The following LARS1 variants were observed in gnomAD, a reference collection of about 807,000 sequenced individuals.
LARS1 encodes leucine--tRNA ligase, cytoplasmic.
LARS1 carries 100 observed loss-of-function variants against 162.8 expected under a neutral mutation model. The ratio of observed to expected loss-of-function variants is 0.61; its 90% CI spans 0.52 to 0.73. The LOEUF (loss-of-function observed/expected upper bound fraction) is 0.73, where lower values mean the gene tolerates loss of function less well. LARS1 is among the 30% of genes least tolerant of loss of function. The pLI, the probability that LARS1 is intolerant of heterozygous loss-of-function variation, is 0.00. For synonymous variants in LARS1, 457 were observed against 462.8 expected (o/e 0.99, Z 0.16); for missense variants, 1,258 against 1,408.9 (o/e 0.89, Z 1.71).
Position 146,133,081 on chromosome 5 carries a change from C to T in LARS1, c.2213G>A (p.Gly738Glu). Reference protein sequence around the residue: ...TQAIDKFSADGMRLALADAGD... With the variant: ...TQAIDKFSADEMRLALADAGD... ...AGCATCAGCCAGAGCCAAACGCATT[C>T]CTGGAAGAAGAAAAAAAAATTCAAT... Residue 738 changes from glycine (G) to glutamate (E), a missense_variant and splice_region_variant, in exon 23 of 32, where the codon GGA (glycine) becomes GAA (glutamate). By Grantham distance (98) the Gly-to-Glu change is moderately conservative (BLOSUM62 -2). Coordinates refer to ENST00000394434, the MANE Select transcript of LARS1 (RefSeq NM_020117.11). 1 of 1,609,106 alleles carries T rather than the reference C, an allele frequency of 6.2e-7. No individual in the cohort carries two copies. Among genetic ancestry groups the T allele is most frequent in the Non-Finnish European group, 8.5e-7 (1 of 1,178,242 alleles).
intron 15 of LARS1, 27 bp from the exon 16 acceptor site, chr5:146,144,736 T>C (rs1482418478): frequency 6.4e-7 from 1 of 1,556,248 alleles, no homozygotes; most frequent in African/African-American, 1.4e-5. Flanking sequence ...AAACATACAT[T>C]AGATACTATG....
At chr5:146,162,182 A>G (rs2126549379) in intron 6 of LARS1, among the ~76,000 whole-genome samples, 1 of 152,334 alleles carries the variant, frequency 6.6e-6, no homozygotes. Context: ...TCCTTTCCAG[A>G]AGGTTTTCTA....
intron 21 of LARS1, among the ~76,000 whole-genome samples, chr5:146,137,228 A>G (rs1346359133): frequency 6.6e-6 from 1 of 152,242 alleles, no homozygotes; most frequent in Non-Finnish European, 1.5e-5. Context: ...TGACATATAG[A>G]CACTTATGAC....
At chr5:146,181,746 T>C (rs1333322623) in intron 1 of LARS1, among the ~76,000 whole-genome samples, 1 of 149,990 alleles carries the variant, frequency 6.7e-6, no homozygotes, top group Non-Finnish European at 1.5e-5. Context: ...ACAGCATTTA[T>C]CAGCACCTGA....
chr5:146,151,101 T>C (rs73793852), intron 14 of LARS1, among the ~76,000 whole-genome samples: 4,422 of 152,260 alleles, frequency 0.029, 222 homozygotes, highest in African/African-American at 0.1. Flanking sequence ...TCCTCATCCG[T>C]AAATTGGAGA....
chr5:146,149,558 T>TA, intron 15 of LARS1, 64 bp downstream of exon 15: 1 of 1,151,640 alleles, frequency 8.7e-7, no homozygotes, highest in Non-Finnish European at 1.3e-6. Context: ...TCACTGCTAA[T>TA]AACACTGTCA....
intron 22 of LARS1, 73 bp downstream of exon 22, chr5:146,135,528 C>A (rs1435237691): frequency 8.1e-6 from 9 of 1,114,840 alleles, no homozygotes; most frequent in East Asian, 2.6e-5. Context: ...AATTAAAACA[C>A]CAATTTTAAC....
chr5:146,160,295 CA>C, intron 7 of LARS1, 78 bp downstream of exon 7: 1 of 740,752 alleles, frequency 1.3e-6, no homozygotes, highest in African/African-American at 1.8e-5. Flanking sequence ...CTCAGTTTCC[CA>C]AAGCACTGGG....
At chr5:146,163,184 C>T (rs1411680032) in intron 6 of LARS1, among the ~76,000 whole-genome samples, 2 of 152,196 alleles carry the variant, frequency 1.3e-5, no homozygotes, top group Non-Finnish European at 2.9e-5. Flanking sequence ...TAGCCTCCAA[C>T]TTCTCTTCTG....
chr5:146,173,567 G>A (rs1336104957), intron 2 of LARS1, among the ~76,000 whole-genome samples: 1 of 138,356 alleles, frequency 7.2e-6, no homozygotes, highest in African/African-American at 2.7e-5. Context: ...TTTTTTAGTT[G>A]TTTTTGTAAA....
In LARS1 at chr5:146,153,272, T is replaced by C. The variant is rs1326766108; in HGVS notation, c.1231-45A>G. The C allele has an allele frequency of 4.5e-6, 6 of 1,321,338 alleles. No homozygotes were observed. The Admixed American group carries it at 5.3e-5, about 12-fold the overall frequency. 81.9% of individuals were successfully genotyped at this position (1,321,338 alleles called of 1,614,324 possible). ...TTAACACTAATGATCAACACTTTAC[T>C]GGGAGAATCATTGAGAGAAGCAATC... On this transcript the variant is annotated intron_variant, in intron 12 of 31. Coordinates refer to ENST00000394434, the MANE Select transcript of LARS1 (RefSeq NM_020117.11).
intron 15 of LARS1, among the ~76,000 whole-genome samples, chr5:146,145,721 T>G (rs1752979668): frequency 6.6e-6 from 1 of 152,234 alleles, no homozygotes; most frequent in Non-Finnish European, 1.5e-5. Context: ...GCTCTGTTTT[T>G]AATGCAATTC....
intron 31 of LARS1, among the ~76,000 whole-genome samples, chr5:146,119,685 T>A (rs1751732725): frequency 6.6e-6 from 1 of 152,128 alleles, no homozygotes; most frequent in African/African-American, 2.4e-5. Flanking sequence ...TTACATTGAA[T>A]CTAATCACAA....
At chr5:146,131,867 G>A (rs368590140) in intron 23 of LARS1, 2 of 152,088 alleles carry the variant, frequency 1.3e-5, no homozygotes, top group East Asian at 3.8e-4. Flanking sequence ...ACCAATCCAG[G>A]TTCTTCTTAA....
Position 146,114,309 on chromosome 5 carries a change from G to C in LARS1, c.3328C>G (p.Leu1110Val). Residue 1110 changes from leucine (L) to valine (V), a missense_variant and splice_region_variant, in exon 32 of 32, where the codon CTT becomes GTT. Leu to Val is a conservative substitution (Grantham distance 32). Coordinates refer to ENST00000394434, the MANE Select transcript of LARS1 (RefSeq NM_020117.11). ...LMKMNRGIKD[L>V]SKVKLMRFDD... ...AATCTCATCAGTTTCACTTTGGAAA[G>C]GTCTACAACAAAATAAATTATCAAT... 6.2e-7 allele frequency: 1 copy of C among 1,612,274 alleles called. No individual in the cohort carries two copies. The highest frequency in any genetic ancestry group is 8.5e-7 in the Non-Finnish European group (1 of 1,178,834).
intron 14 of LARS1, among the ~76,000 whole-genome samples, chr5:146,150,548 GCC>G (rs1352643955): frequency 7.0e-6 from 1 of 142,158 alleles, no homozygotes; most frequent in East Asian, 2.1e-4. Flanking sequence ...AACTGCTTGA[GCC>G]CAGGAAGCAG....
In LARS1 at chr5:146,153,996, AT is replaced by A; in HGVS notation, c.1066-17del. 1 of 1,553,546 alleles carries A rather than the reference AT, an allele frequency of 6.4e-7. No homozygotes were observed. The highest frequency in any genetic ancestry group is 2.2e-5 in the East Asian group (1 of 44,530). On this transcript the variant is annotated splice_polypyrimidine_tract_variant and intron_variant, in intron 10 of 31. Transcript: ENST00000394434. Reference sequence around the variant, plus strand: ...CAAGAATTTCCTGCATAAGAAAAAAATCAATATAAAAGGTGAAGTAATTCAT... The same window carrying A: ...CAAGAATTTCCTGCATAAGAAAAAAACAATATAAAAGGTGAAGTAATTCAT...
chr5:146,161,692 G>T (rs1447467543), intron 6 of LARS1, among the ~76,000 whole-genome samples: 1 of 151,620 alleles, frequency 6.6e-6, no homozygotes, highest in Non-Finnish European at 1.5e-5. Flanking sequence ...GGCGGAGGTT[G>T]CAGTGAGTCG....
In LARS1 at chr5:146,151,971, T is replaced by C. The variant is rs559153062; in HGVS notation, c.1316A>G (p.Asn439Ser). The C allele has an allele frequency of 6.2e-7, 1 of 1,614,108 alleles. No homozygotes were observed. Among genetic ancestry groups the C allele is most frequent in the Non-Finnish European group, 8.5e-7 (1 of 1,180,034 alleles). Reference sequence around the variant, plus strand: ...ATCACAAATGGTTACAGCAGAAAGATTTCCAAAACCTGGGATTTCAATGAC... The same window carrying C: ...ATCACAAATGGTTACAGCAGAAAGACTTCCAAAACCTGGGATTTCAATGAC... ...VPVIEIPGFG[N>S]LSAVTICDEL... Residue 439 changes from asparagine to serine, a missense_variant, in exon 14 of 32, where the codon AAT (asparagine) becomes AGT (serine). By Grantham distance (46) the Asn-to-Ser change is conservative. Transcript: ENST00000394434.
Sources: allele counts gnomAD v4.1 joint callset (sites outside exome capture counted in the v4.1 genomes callset), GRCh38; gene constraint gnomAD v4.1.1; transcripts MANE v1.5; gene names NCBI Gene and HGNC (gene_info 2026-07-23, HGNC 2026-07-21).